The following MECOM variants were observed in gnomAD, a reference collection of about 807,000 sequenced individuals.
MECOM encodes MDS1 and EVI1 complex locus.
Under a neutral mutation model 116.3 loss-of-function variants are expected in MECOM, and 13 were observed. The ratio of observed to expected loss-of-function variants is 0.11; its 90% CI spans 0.07 to 0.18. The LOEUF is 0.18. MECOM is among the 10% of genes least tolerant of loss of function. The pLI is 1.00. For missense variants in MECOM, 1,299 were observed against 1,509.0 expected, an observed-to-expected ratio of 0.86 and a Z score of 2.31; for synonymous variants, 528 against 535.2, an observed-to-expected ratio of 0.99 and a Z score of 0.19.
chr3:169,460,728 A>G (rs1425943520), intron 1 of MECOM, among the ~76,000 whole-genome samples: 1 of 152,192 alleles, frequency 6.6e-6, no homozygotes, highest in Non-Finnish European at 1.5e-5. Flanking sequence ...ACAAGTACCA[A>G]CAAGGCCCCC....
At chr3:169,550,488 G>C (rs1273906814) in intron 1 of MECOM, among the ~76,000 whole-genome samples, 1 of 152,242 alleles carries the variant, frequency 6.6e-6, no homozygotes, top group Admixed American at 6.5e-5. Flanking sequence ...AGAGCTTCTA[G>C]TGAAGTAACA....
chr3:169,488,597 G>A (rs1752692259), intron 1 of MECOM, among the ~76,000 whole-genome samples: 1 of 151,802 alleles, frequency 6.6e-6, no homozygotes, highest in African/African-American at 2.4e-5. Flanking sequence ...TCCAGTTTAT[G>A]TGAAGCATTT....
intron 1 of MECOM, among the ~76,000 whole-genome samples, chr3:169,642,752 G>T (rs1773661635): frequency 6.7e-6 from 1 of 149,208 alleles, no homozygotes; most frequent in African/African-American, 2.5e-5. Context: ...AAAAAAAATA[G>T]AAAGTACTCT....
At position 169,296,254 on chromosome 3, in the gene MECOM, AG is replaced by A. The variant is rs1022964825; in HGVS notation, c.375+84932del. 5.9e-5 allele frequency among the ~76,000 whole-genome samples: 9 copies of A among 152,286 alleles called. No homozygotes were observed. The East Asian group carries it at 1.5e-3, about 26-fold the overall frequency. Reference sequence around the variant, plus strand: ...AACAATGATCTTAGGTTAAGTTTTCAGGCAGGACATGAGAAAATCAGCAGGA... The same window carrying A: ...AACAATGATCTTAGGTTAAGTTTTCAGCAGGACATGAGAAAATCAGCAGGA... On this transcript the variant is annotated intron_variant, in intron 2 of 16. Coordinates refer to ENST00000651503, the MANE Select transcript of MECOM (RefSeq NM_004991.4).
intron 1 of MECOM, among the ~76,000 whole-genome samples, chr3:169,509,453 T>A (rs1241928525): frequency 6.6e-6 from 1 of 152,214 alleles, no homozygotes; most frequent in Admixed American, 6.5e-5. Context: ...TCTCCAGGGC[T>A]TTTTAATGAT....
chr3:169,217,812 T>C (rs994983295), intron 2 of MECOM, among the ~76,000 whole-genome samples: 7 of 147,218 alleles, frequency 4.8e-5, no homozygotes, highest in African/African-American at 1.5e-4. Flanking sequence ...TTATTTTACA[T>C]ATTTTATTTT....
At chr3:169,216,131 C>T (rs1304085027) in intron 2 of MECOM, among the ~76,000 whole-genome samples, 4 of 152,206 alleles carry the variant, frequency 2.6e-5, no homozygotes, top group Non-Finnish European at 4.4e-5. Flanking sequence ...AGTCAACTCA[C>T]GAGTGTTTCC....
intron 1 of MECOM, among the ~76,000 whole-genome samples, chr3:169,482,406 A>G (rs1406625981): frequency 7.0e-6 from 1 of 142,308 alleles, no homozygotes; most frequent in Non-Finnish European, 1.5e-5. Flanking sequence ...ATCCGGGCTC[A>G]CTGTAAGCTC....
At chr3:169,217,632 A>G (rs1337865608) in intron 2 of MECOM, among the ~76,000 whole-genome samples, 1 of 151,866 alleles carries the variant, frequency 6.6e-6, no homozygotes, top group Non-Finnish European at 1.5e-5. Flanking sequence ...AAAAATACAA[A>G]CATTAGCTGG....
chr3:169,578,983 A>G (rs1311055859), intron 1 of MECOM, among the ~76,000 whole-genome samples: 2 of 152,230 alleles, frequency 1.3e-5, no homozygotes, highest in Non-Finnish European at 2.9e-5. Flanking sequence ...TATTTTTCCC[A>G]TAATGTTTGA....
intron 1 of MECOM, among the ~76,000 whole-genome samples, chr3:169,601,142 AC>A (rs1767787607): frequency 1.3e-5 from 2 of 152,198 alleles, no homozygotes; most frequent in Admixed American, 6.5e-5. Flanking sequence ...GTGGTAAGGC[AC>A]CTACACTTAG....
At chr3:169,281,862 G>A (rs1560083998) in intron 2 of MECOM, among the ~76,000 whole-genome samples, 1 of 152,022 alleles carries the variant, frequency 6.6e-6, no homozygotes, top group Admixed American at 6.6e-5. Flanking sequence ...ATATGGAAGT[G>A]GTAAAAGGAA....
chr3:169,644,930 AC>A (rs1422306337), intron 1 of MECOM, among the ~76,000 whole-genome samples: 10 of 152,200 alleles, frequency 6.6e-5, no homozygotes, highest in Admixed American at 6.5e-4. Flanking sequence ...ATGCCTCTTT[AC>A]TGACTTAGTC....
At chr3:169,276,908 T>C (rs998065868) in intron 2 of MECOM, among the ~76,000 whole-genome samples, 3 of 152,256 alleles carry the variant, frequency 2.0e-5, no homozygotes, top group Admixed American at 6.5e-5. Flanking sequence ...GTGAGCATTA[T>C]ATAAAGTATC....
intron 2 of MECOM, among the ~76,000 whole-genome samples, chr3:169,286,539 G>C (rs142419594): frequency 1.3e-5 from 2 of 152,010 alleles, no homozygotes; most frequent in South Asian, 4.2e-4. Context: ...GGTTGACAAC[G>C]CTCCCTGCAA....
At chr3:169,649,248 G>A (rs1011010292) in intron 1 of MECOM, among the ~76,000 whole-genome samples, 5 of 151,558 alleles carry the variant, frequency 3.3e-5, no homozygotes, top group South Asian at 2.1e-4. Flanking sequence ...TCATTTGAGC[G>A]CACAAGTTCG....
chr3:169,115,035 T>A (rs1432106451), intron 8 of MECOM, among the ~76,000 whole-genome samples: 1 of 152,158 alleles, frequency 6.6e-6, no homozygotes, highest in Non-Finnish European at 1.5e-5. Flanking sequence ...CCCACGCATA[T>A]TTGCATTAAT....
At chr3:169,564,549 G>T (rs1426199163) in intron 1 of MECOM, among the ~76,000 whole-genome samples, 4 of 152,098 alleles carry the variant, frequency 2.6e-5, no homozygotes, top group Non-Finnish European at 5.9e-5. Flanking sequence ...TTCCACAGCA[G>T]GTCTTAGGTT....
intron 5 of MECOM, among the ~76,000 whole-genome samples, chr3:169,124,912 C>A (rs1297580336): frequency 6.6e-6 from 1 of 152,038 alleles, no homozygotes; most frequent in Non-Finnish European, 1.5e-5. Flanking sequence ...GACCTTTGTG[C>A]ACCTAGAATA....
Sources: gnomAD v4.1 joint callset for allele counts (sites outside exome capture counted in the v4.1 genomes callset) on GRCh38, gnomAD v4.1.1 for gene constraint, MANE v1.5 for transcripts, NCBI Gene and HGNC (gene_info 2026-07-23, HGNC 2026-07-21) for gene names.